The following ACAT1 variants were observed in gnomAD, a reference collection of about 807,000 sequenced individuals.
ACAT1 encodes acetyl-CoA acetyltransferase 1.
A neutral mutation model predicts 47.3 loss-of-function variants in ACAT1; 28 were observed. That is an observed-to-expected ratio of 0.59 (90% CI 0.44 to 0.81). The LOEUF (loss-of-function observed/expected upper bound fraction) is 0.81. ACAT1 is among the 30% of genes least tolerant of loss of function. The pLI is 0.00. For synonymous variants in ACAT1, 181 were observed against 173.6 expected (o/e 1.04, Z -0.34); for missense variants, 469 against 524.3 (o/e 0.89, Z 1.03).
upstream of ACAT1, among the ~76,000 whole-genome samples, chr11:108,118,517 G>T (rs35219733): frequency 0.13 from 20,222 of 152,038 alleles, 1,465 homozygotes; most frequent in Non-Finnish European, 0.17. Flanking sequence ...TGGGACTACA[G>T]GTGGCCCCCT....
At chr11:108,120,468 G>T (rs1195595808), upstream of ACAT1, among the ~76,000 whole-genome samples, 1 of 152,024 alleles carries the variant, frequency 6.6e-6, no homozygotes, top group African/African-American at 2.4e-5. Flanking sequence ...CTGAGACCAG[G>T]AGTTTGAGGC....
In ACAT1 at chr11:108,139,051, A is replaced by G; in HGVS notation, c.579+10A>G. On this transcript the variant is annotated intron_variant, in intron 6 of 11. Transcript: ENST00000265838. The stretch of plus-strand genomic sequence containing the variant: ...CAATAAAATTCATATGGTAAATGTG[A>G]TTTTTAGTGGATAAATGCTATCTAA... 3.1e-6 allele frequency: 5 copies of G among 1,614,068 alleles called. No individual in the cohort carries two copies. Among genetic ancestry groups the G allele is most frequent in the South Asian group, 1.1e-5 (1 of 91,074 alleles).
At chr11:108,146,174 ACAT>A (rs1308777886) in intron 10 of ACAT1, 25 bp from the exon 11 acceptor site, 3 of 1,552,424 alleles carry the variant, frequency 1.9e-6, no homozygotes, top group Middle Eastern at 4.1e-4. Flanking sequence ...AATTATTTGA[ACAT>A]CATCTGTCTT....
At position 108,133,806 on chromosome 11, in the gene ACAT1, TTG is replaced by T; in HGVS notation, c.121-10_121-9del. On this transcript the variant is annotated splice_polypyrimidine_tract_variant and intron_variant, in intron 2 of 11. Coordinates refer to ENST00000265838, the MANE Select transcript of ACAT1 (RefSeq NM_000019.4). ...TAAAATACCTATAATTTTTACCATC[TTG>T]TGTCTTGCCAGGAAGTGGTCATAGT... 2 of 1,598,778 alleles carry T rather than the reference TTG, an allele frequency of 1.3e-6. No individual in the cohort carries two copies. The highest frequency in any genetic ancestry group is 2.2e-5 in the East Asian group (1 of 44,752).
chr11:108,143,558 T>TA (rs2134777825), intron 9 of ACAT1: 1 of 153,318 alleles, frequency 6.5e-6, no homozygotes, highest in Admixed American at 6.5e-5. Context: ...TGTTACTTTA[T>TA]AAAAAGCCTT....
At position 108,125,987 on chromosome 11, in the gene ACAT1, G is replaced by A. The variant is rs148489735; in HGVS notation, c.72+4309G>A. Among the ~76,000 whole-genome samples, 415 of 151,844 alleles carry A rather than the reference G, an allele frequency of 2.7e-3. 1 individual carries two copies. Among genetic ancestry groups the A allele is most frequent in the African/African-American group, 9.5e-3 (395 of 41,432 alleles). ...TGAGCCAGCCATGGAGAGCTGGGAA[G>A]ACTTTTTGTTTTGTTTTGTTTTTGA... On this transcript the variant is annotated intron_variant, in intron 1 of 11. Transcript: ENST00000265838.
At chr11:108,119,737 C>T (rs2077117582), upstream of ACAT1, among the ~76,000 whole-genome samples, 1 of 152,058 alleles carries the variant, frequency 6.6e-6, no homozygotes, top group Non-Finnish European at 1.5e-5. Flanking sequence ...CTCGAAGCAG[C>T]CCAGTATGAA....
chr11:108,145,746 C>T, intron 10 of ACAT1, among the ~76,000 whole-genome samples: 1 of 151,460 alleles, frequency 6.6e-6, no homozygotes. Context: ...AGATGAGCAA[C>T]TAAAAATCTG....
chr11:108,140,992 G>A (rs183268884), intron 7 of ACAT1, among the ~76,000 whole-genome samples: 14 of 152,212 alleles, frequency 9.2e-5, no homozygotes, highest in Admixed American at 9.2e-4. Context: ...TTGGGAGGCC[G>A]AGGTGGGAGG....
chr11:108,118,477 C>T (rs987063629), upstream of ACAT1, among the ~76,000 whole-genome samples: 3 of 152,114 alleles, frequency 2.0e-5, no homozygotes, highest in African/African-American at 7.2e-5. Context: ...TGGGTTCACG[C>T]CACTGTCCTA....
intron 1 of ACAT1, among the ~76,000 whole-genome samples, chr11:108,125,755 G>T: frequency 6.6e-6 from 1 of 152,010 alleles, no homozygotes; most frequent in Non-Finnish European, 1.5e-5. Flanking sequence ...GTGAAACCCT[G>T]TCTCTATAAA....
chr11:108,133,874 CT>C lies in ACAT1; in HGVS notation c.178del (p.Ser60ProfsTer27). The part of the protein sequence containing the change: ...RTPIGSFLGS[L>X]SLLPATKLGS... ...ACCCATTGGATCTTTTTTAGGCAGC[CT>C]TTCCTTGCTGCCAGCCACTAAGCTT... On this transcript the variant is annotated frameshift_variant, in exon 3 of 12. Coordinates refer to ENST00000265838, the MANE Select transcript of ACAT1 (RefSeq NM_000019.4). LOFTEE classifies it high-confidence loss of function. 6.2e-7 allele frequency: 1 copy of C among 1,614,062 alleles called. No homozygotes were observed. Among genetic ancestry groups the C allele is most frequent in the Non-Finnish European group, 8.5e-7 (1 of 1,180,012 alleles).
chr11:108,129,366 C>T (rs1256543851), intron 1 of ACAT1, among the ~76,000 whole-genome samples: 2 of 152,096 alleles, frequency 1.3e-5, no homozygotes, highest in East Asian at 1.9e-4. Flanking sequence ...GTGTCTTTTT[C>T]GTGTAACGAC....
At chr11:108,134,357 A>T (rs886220894) in intron 4 of ACAT1, 41 bp downstream of exon 4, 13 of 1,536,010 alleles carry the variant, frequency 8.5e-6, no homozygotes, top group Non-Finnish European at 1.1e-5. Context: ...TAAAATGTGT[A>T]AAAGGGGCCG....
chr11:108,129,848 G>A (rs940282962), intron 1 of ACAT1, among the ~76,000 whole-genome samples: 3 of 152,274 alleles, frequency 2.0e-5, no homozygotes, highest in Non-Finnish European at 4.4e-5. Context: ...TGGGTACAGG[G>A]ATGTGTGCCT....
intron 4 of ACAT1, among the ~76,000 whole-genome samples, chr11:108,134,803 G>T (rs1437212583): frequency 6.6e-6 from 1 of 150,732 alleles, no homozygotes; most frequent in Admixed American, 6.6e-5. Flanking sequence ...AAATTAGTTG[G>T]GCGTGGTGGC....
chr11:108,139,233 A>G (rs1323488215), intron 6 of ACAT1, 192 bp downstream of exon 6: 1 of 682,414 alleles, frequency 1.5e-6, no homozygotes, highest in African/African-American at 1.8e-5. Flanking sequence ...ATTTTCCCAC[A>G]TTTAAATAGG....
At chr11:108,137,112 T>A (rs1452889652) in intron 5 of ACAT1, among the ~76,000 whole-genome samples, 2 of 152,196 alleles carry the variant, frequency 1.3e-5, no homozygotes, top group African/African-American at 4.8e-5. Context: ...TATAATAATA[T>A]TAAAAGCATT....
In ACAT1 at chr11:108,144,001, T is replaced by C. The variant is rs1184689716; in HGVS notation, c.959T>C (p.Val320Ala). 29 of 1,113,040 alleles carry C rather than the reference T, an allele frequency of 2.6e-5. No homozygotes were observed. Among genetic ancestry groups the C allele is most frequent in the Non-Finnish European group, 3.6e-5 (29 of 798,064 alleles). The allele number at this position is 1,113,040 out of a possible 1,614,324, so 68.9% of individuals were successfully genotyped here. A position where few individuals can be genotyped will look rare whatever the true frequency, so the allele number is the denominator to read the frequency against. ...TAAACAGCATTTGCTGACGCTGCTG[T>C]AGAACCTATTGATTTTCCAATTGCT... The part of the protein sequence containing the change: ...ARIVAFADAA[V>A]EPIDFPIAPV... The change falls in exon 10 of 12, where the codon GTA (valine) becomes GCA (alanine). Residue 320 changes from valine (V) to alanine (A), a missense_variant. Physicochemically the swap from Val to Ala is moderately conservative, Grantham distance 64 (BLOSUM62 0). Transcript: ENST00000265838.
Sources: gnomAD v4.1 joint callset for allele counts (sites outside exome capture counted in the v4.1 genomes callset) on GRCh38, gnomAD v4.1.1 for gene constraint, MANE v1.5 for transcripts, NCBI Gene and HGNC (gene_info 2026-07-23, HGNC 2026-07-21) for gene names.